The following EXOC6 variants were observed in gnomAD, a reference collection of about 807,000 sequenced individuals.
EXOC6 encodes the protein exocyst complex component 6.
EXOC6 carries 60 observed loss-of-function variants against 112.5 expected under a neutral mutation model. That is an observed-to-expected ratio of 0.53 (90% CI 0.43 to 0.66). The LOEUF (loss-of-function observed/expected upper bound fraction) is 0.66, where lower values mean the gene tolerates loss of function less well. EXOC6 is among the 30% of genes least tolerant of loss of function. The probability of loss-of-function intolerance (pLI) is 0.00; values close to 1 mark genes in which losing one functional copy is unlikely to be tolerated. For synonymous variants in EXOC6, 295 were observed against 308.0 expected, an observed-to-expected ratio of 0.96 and a Z score of 0.44; for missense variants, 855 against 957.1, an observed-to-expected ratio of 0.89 and a Z score of 1.41.
At chr10:92,956,992 A>G (rs757422864) in intron 17 of EXOC6, among the ~76,000 whole-genome samples, 12 of 152,104 alleles carry the variant, frequency 7.9e-5, no homozygotes, top group Non-Finnish European at 1.8e-4. Context: ...AGAATACAAA[A>G]ATGTATCCCT....
chr10:92,852,747 T>A (rs1188227471), intron 1 of EXOC6, among the ~76,000 whole-genome samples: 2 of 152,118 alleles, frequency 1.3e-5, no homozygotes, highest in Non-Finnish European at 1.5e-5. Flanking sequence ...CCTCAGAAAC[T>A]AGTAATGGAA....
intron 20 of EXOC6, among the ~76,000 whole-genome samples, chr10:93,055,286 A>G (rs1341824256): frequency 6.6e-6 from 1 of 152,246 alleles, no homozygotes. Context: ...TAATAACCAC[A>G]TGATAGTCAT....
At chr10:92,959,320 C>T (rs1227075235) in intron 17 of EXOC6, among the ~76,000 whole-genome samples, 2 of 152,158 alleles carry the variant, frequency 1.3e-5, no homozygotes, top group African/African-American at 4.8e-5. Context: ...TGAATCTAGA[C>T]CAGACCTTAC....
chr10:92,844,272 G>A (rs1348689848), upstream of EXOC6, among the ~76,000 whole-genome samples: 2 of 152,170 alleles, frequency 1.3e-5, no homozygotes, highest in Admixed American at 6.5e-5. Flanking sequence ...GCAAGGCACT[G>A]GGCTGGGCAG....
chr10:92,903,355 A>G (rs772763337), intron 5 of EXOC6, among the ~76,000 whole-genome samples: 3 of 151,516 alleles, frequency 2.0e-5, no homozygotes, highest in Non-Finnish European at 4.4e-5. Context: ...CTGATTGTTT[A>G]TAGATCAGAA....
At chr10:92,955,430 A>T in intron 16 of EXOC6, 150 bp from the exon 17 acceptor site, 1 of 573,490 alleles carries the variant, frequency 1.7e-6, no homozygotes, top group Non-Finnish European at 3.1e-6. Flanking sequence ...TATTTGCAAC[A>T]GGCTTTTAAA....
At chr10:92,828,614 G>GT (rs1194536382) in intron 1 of EXOC6, among the ~76,000 whole-genome samples, 2 of 146,166 alleles carry the variant, frequency 1.4e-5, no homozygotes, top group Non-Finnish European at 3.0e-5. Context: ...GATTACAGGT[G>GT]TGAGCCACTG....
intron 14 of EXOC6, among the ~76,000 whole-genome samples, chr10:92,948,794 A>G (rs1397626561): frequency 1.6e-5 from 2 of 127,626 alleles, no homozygotes; most frequent in Admixed American, 8.7e-5. Context: ...ATTTCTTTGA[A>G]TTGTTTATCA....
chr10:92,989,201 GTTT>G (rs1365397938), intron 18 of EXOC6, among the ~76,000 whole-genome samples: 1 of 152,016 alleles, frequency 6.6e-6, no homozygotes, highest in Admixed American at 6.5e-5. Context: ...CTTGATAAGT[GTTT>G]TGTTAAGTAT....
At chr10:92,832,265 C>A (rs1846509725), upstream of EXOC6, among the ~76,000 whole-genome samples, 1 of 152,188 alleles carries the variant, frequency 6.6e-6, no homozygotes, top group African/African-American at 2.4e-5. Flanking sequence ...TCTACTATAA[C>A]TGTATACAAG....
At chr10:92,863,388 G>C (rs890525861) in intron 1 of EXOC6, among the ~76,000 whole-genome samples, 1 of 152,150 alleles carries the variant, frequency 6.6e-6, no homozygotes, top group African/African-American at 2.4e-5. Context: ...AAACCTAATA[G>C]TTTCTTGCAT....
At chr10:93,012,895 A>G (rs1205202343) in intron 19 of EXOC6, among the ~76,000 whole-genome samples, 1 of 152,128 alleles carries the variant, frequency 6.6e-6, no homozygotes, top group Non-Finnish European at 1.5e-5. Context: ...AAACAAAAAA[A>G]TCATTAGCCA....
At chr10:92,978,183 G>T (rs1413557082) in intron 18 of EXOC6, among the ~76,000 whole-genome samples, 1 of 152,186 alleles carries the variant, frequency 6.6e-6, no homozygotes, top group Non-Finnish European at 1.5e-5. Flanking sequence ...GCCAAGATGG[G>T]AGGACCACCT....
At chr10:92,834,783 T>G in exon 1 of EXOC6, 9 of 1,610,464 alleles carry the variant, frequency 5.6e-6, no homozygotes, top group Non-Finnish European at 6.8e-6. Flanking sequence ...ATGTCCTGGC[T>G]GAGATTCAGT....
rs770261543 is a variant in EXOC6, at chr10:92,920,044, T to C, written c.882T>C (p.Ser294=). Residue 294 remains serine, a synonymous_variant, in exon 8 of 22, where the codon TCT becomes TCC. Transcript: ENST00000260762. ...SPVYRCLHIY[S]VLGDEETFEN... ...TTTATCGATGTTTGCACATTTATTC[T>C]GTTTTGGTAAGTATGTTTTATATTT... 1 of 1,596,704 alleles carries C rather than the reference T, an allele frequency of 6.3e-7. No individual in the cohort carries two copies. Among genetic ancestry groups the C allele is most frequent in the Non-Finnish European group, 8.6e-7 (1 of 1,167,686 alleles).
At chr10:92,935,352 A>G (rs947337952) in intron 11 of EXOC6, among the ~76,000 whole-genome samples, 1 of 152,028 alleles carries the variant, frequency 6.6e-6, no homozygotes, top group African/African-American at 2.4e-5. Flanking sequence ...CACTTTCAAA[A>G]TCTTATTAAA....
intron 19 of EXOC6, among the ~76,000 whole-genome samples, chr10:93,000,803 G>A (rs867259755): frequency 6.6e-6 from 1 of 151,996 alleles, no homozygotes; most frequent in African/African-American, 2.4e-5. Context: ...TTTTCCAAAA[G>A]ACATCTTTTT....
intron 1 of EXOC6, among the ~76,000 whole-genome samples, chr10:92,879,376 A>C (rs924507749): frequency 1.3e-4 from 20 of 152,126 alleles, no homozygotes; most frequent in African/African-American, 4.8e-4. Flanking sequence ...GGCTGAGGTG[A>C]GAGGATCACT....
chr10:92,920,369 G>T (rs1851359793), intron 8 of EXOC6, among the ~76,000 whole-genome samples: 2 of 151,862 alleles, frequency 1.3e-5, no homozygotes, highest in African/African-American at 2.4e-5. Flanking sequence ...TCTTATTTTT[G>T]ATTTAATGTT....
Sources: gnomAD v4.1 joint callset for allele counts (sites outside exome capture counted in the v4.1 genomes callset) on GRCh38, gnomAD v4.1.1 for gene constraint, MANE v1.5 for transcripts, NCBI Gene and HGNC (gene_info 2026-07-23, HGNC 2026-07-21) for gene names.